PRCD: variants seen among roughly 807,000 people sequenced by gnomAD.
PRCD encodes the protein photoreceptor disc component.
A neutral mutation model predicts 10.1 loss-of-function variants in PRCD; 12 were observed. The observed-to-expected ratio is 1.18, with a 90% CI of 0.76 to 1.92. The LOEUF is 1.92. Ranked by LOEUF, PRCD falls within the 40% of genes most tolerant of loss-of-function variation. PRCD has a pLI of 0.00. For synonymous variants in PRCD, 31 were observed against 26.2 expected (o/e 1.18, Z -0.56); for missense variants, 61 against 72.2 (o/e 0.84, Z 0.56).
chr17:76,548,934 C>G (rs2075081690), downstream of PRCD, among the ~76,000 whole-genome samples: 1 of 152,126 alleles, frequency 6.6e-6, no homozygotes, highest in Non-Finnish European at 1.5e-5. Flanking sequence ...GGAGGGGAAA[C>G]CCAAGCGGAC....
At chr17:76,550,613 T>C (rs1598220818) in intron 1 of PRCD, 1 of 152,388 alleles carries the variant, frequency 6.6e-6, no homozygotes, top group African/African-American at 2.4e-5. Context: ...ACTGGGATTG[T>C]GGTTACATGG....
upstream of PRCD, chr17:76,538,115 G>A (rs1392332833): frequency 6.5e-6 from 1 of 154,640 alleles, no homozygotes; most frequent in African/African-American, 2.4e-5. Flanking sequence ...CCTTCCCGCG[G>A]CGGGGAACTG....
Position 76,545,269 on chromosome 17 carries a change from G to T in PRCD, c.*1619G>T. On this transcript the variant is annotated 3_prime_UTR_variant, in exon 5 of 5. Coordinates refer to ENST00000592014, the MANE Select transcript of PRCD (RefSeq NM_001077620.3). ...TCCCCACAGAAGGCTCCTGGGACCC[G>T]GGTGCCCCTTCCTTGGCCCACTGGC... 1 of 456,768 alleles carries T rather than the reference G, an allele frequency of 2.2e-6. No individual in the cohort carries two copies. The allele number at this position is 456,768 out of a possible 1,614,324, so 28.3% of individuals were successfully genotyped here. A position where few individuals can be genotyped will look rare whatever the true frequency, so the allele number is the denominator to read the frequency against.
chr17:76,528,723 C>A lies in PRCD; in HGVS notation n.45+890C>A. 9.1e-7 allele frequency: 1 copy of A among 1,100,244 alleles called. No individual in the cohort carries two copies. The highest frequency in any genetic ancestry group is 4.6e-5 in the South Asian group (1 of 21,788). 68.2% of individuals were successfully genotyped at this position (1,100,244 alleles called of 1,614,324 possible). On this transcript the variant is annotated intron_variant and non_coding_transcript_variant, in intron 1 of 4. Coordinates refer to the PRCD transcript ENST00000397633. The surrounding 1 kb of genome is among the most constrained non-coding windows in gnomAD (Gnocchi z 5.8). ...GAGGCTCACTTCCTGCCAAGAGATC[C>A]GGCACAGTGCAGTTGAAAGCAACCG... is the stretch of plus-strand genomic sequence containing the variant.
chr17:76,551,332 C>T (rs894415160), intron 1 of PRCD: 4 of 152,154 alleles, frequency 2.6e-5, no homozygotes, highest in South Asian at 4.1e-4. Context: ...AGCATTATAT[C>T]GTCTTCAAAT....
upstream of PRCD, chr17:76,537,668 G>A (rs2074935637): frequency 2.3e-6 from 2 of 857,480 alleles, no homozygotes; most frequent in South Asian, 5.1e-5. Context: ...GGTAGAGCGC[G>A]GAGGGAGGGA....
chr17:76,537,305 T>C, upstream of PRCD: 1 of 1,330,700 alleles, frequency 7.5e-7, no homozygotes, highest in East Asian at 3.2e-5. Context: ...GCTGGGGAGG[T>C]GGCGCTGGAG....
At position 76,531,748 on chromosome 17, in the gene PRCD, G is replaced by T; in HGVS notation, n.45+3915G>T. 1 of 1,452,588 alleles carries T rather than the reference G, an allele frequency of 6.9e-7. No individual in the cohort carries two copies. The highest frequency in any genetic ancestry group is 9.4e-7 in the Non-Finnish European group (1 of 1,060,846). 90.0% of individuals were successfully genotyped at this position (1,452,588 alleles called of 1,614,324 possible). ...CTGGAGGCTGCCTCGGGCCCACCCT[G>T]AAGCTTCCAGGATAGTGGGGGCTGA... On this transcript the variant is annotated intron_variant and non_coding_transcript_variant, in intron 1 of 4. Coordinates refer to the PRCD transcript ENST00000397633. This position sits in a 1 kb window ranked among gnomAD's most constrained non-coding sequence, Gnocchi z 7.4.
At chr17:76,547,833 A>C (rs2075068131), downstream of PRCD, among the ~76,000 whole-genome samples, 2 of 129,446 alleles carry the variant, frequency 1.5e-5, no homozygotes, top group South Asian at 2.5e-4. Context: ...CACACACACA[A>C]CACACATTCA....
Position 76,540,250 on chromosome 17 carries a change from T to TGGGGGGGGGGGGGGGGGGGGGGGG in PRCD, c.74+35_74+36insGGGGGGGGGGGGGGGGGGGGGGGG. 3 of 463,676 alleles carry TGGGGGGGGGGGGGGGGGGGGGGGG rather than the reference T, an allele frequency of 6.5e-6. No homozygotes were observed. Among genetic ancestry groups the TGGGGGGGGGGGGGGGGGGGGGGGG allele is most frequent in the Non-Finnish European group, 7.2e-6 (2 of 276,414 alleles). The allele number at this position is 463,676 out of a possible 1,614,324, so 28.7% of individuals were successfully genotyped here. ...TGACCGGGCTATGGCTGGCGGTTGG[T>TGGGGGGGGGGGGGGGGGGGGGGGG]CGGGGGGGGGGGGCATGGGGCTGGG... is the stretch of plus-strand genomic sequence containing the variant. On this transcript the variant is annotated intron_variant, in intron 1 of 4. Transcript: ENST00000592014. The surrounding 1 kb of genome is among the most constrained non-coding windows in gnomAD (Gnocchi z 5.0).
At position 76,544,608 on chromosome 17, in the gene PRCD, C is replaced by G. The variant is rs902869199; in HGVS notation, c.*958C>G. ...GCCAGCCTGACCCAGGCCGTGAGCC[C>G]GTGATCGCCTGTCTCAGCTCCTGTC... On this transcript the variant is annotated 3_prime_UTR_variant, in exon 5 of 5. Coordinates refer to ENST00000592014, the MANE Select transcript of PRCD (RefSeq NM_001077620.3). The G allele has an allele frequency of 8.8e-6, 4 of 456,628 alleles. No homozygotes were observed. The highest frequency in any genetic ancestry group is 1.3e-5 in the Non-Finnish European group (3 of 226,980). 28.3% of individuals were successfully genotyped at this position (456,628 alleles called of 1,614,324 possible).
At chr17:76,543,150 T>C (rs1324305530) in intron 4 of PRCD, 29 bp downstream of exon 4, 1 of 466,998 alleles carries the variant, frequency 2.1e-6, no homozygotes, top group Non-Finnish European at 4.5e-6. Context: ...GCCCGGGACC[T>C]GCCAGTCTCC....
chr17:76,546,980 G>C (rs1267394358), downstream of PRCD: 1 of 152,212 alleles, frequency 6.6e-6, no homozygotes, highest in Non-Finnish European at 1.5e-5. This position sits in a 1 kb window ranked among gnomAD's most constrained non-coding sequence, Gnocchi z 4.5. Flanking sequence ...CTCGAGTTGG[G>C]GGCCGTGAGG....
In PRCD at chr17:76,530,854, T is replaced by C; in HGVS notation, n.45+3021T>C. ...GTTCTTACATGTCAGACCCCAGGGT[T>C]GGCCTGCCTCAAGTGTGCCTGCCCA... is the stretch of plus-strand genomic sequence containing the variant. On this transcript the variant is annotated intron_variant and non_coding_transcript_variant, in intron 1 of 4. Coordinates refer to the PRCD transcript ENST00000397633. This position sits in a 1 kb window ranked among gnomAD's most constrained non-coding sequence, Gnocchi z 6.1. 2 of 1,077,864 alleles carry C rather than the reference T, an allele frequency of 1.9e-6. No homozygotes were observed. Among genetic ancestry groups the C allele is most frequent in the Non-Finnish European group, 2.6e-6 (2 of 766,686 alleles). The allele number at this position is 1,077,864 out of a possible 1,614,324, so 66.8% of individuals were successfully genotyped here. A position where few individuals can be genotyped will look rare whatever the true frequency, so the allele number is the denominator to read the frequency against.
In PRCD at chr17:76,532,473, C is replaced by T. The variant is rs183835601; in HGVS notation, n.45+4640C>T. Among the ~76,000 whole-genome samples the T allele has an allele frequency of 2.1e-3, 318 of 152,048 alleles. 2 individuals are homozygous for T. Among genetic ancestry groups the T allele is most frequent in the African/African-American group, 7.1e-3 (293 of 41,464 alleles). ...GTCAGACTGGATCCCAAGGCTCTCA[C>T]GCACCCTCTGACCCCCTGCCCTAGC... is the stretch of plus-strand genomic sequence containing the variant. On this transcript the variant is annotated intron_variant and non_coding_transcript_variant, in intron 1 of 4. Coordinates refer to the PRCD transcript ENST00000397633.
intron 1 of PRCD, chr17:76,529,651 G>T: frequency 2.0e-6 from 2 of 985,428 alleles, no homozygotes; most frequent in Non-Finnish European, 1.2e-6. Context: ...AGAGGGGTGG[G>T]AGGGCAGGCA....
Position 76,528,212 on chromosome 17 carries a change from G to A in PRCD, n.45+379G>A. 1 of 398,276 alleles carries A rather than the reference G, an allele frequency of 2.5e-6. No individual in the cohort carries two copies. The allele number at this position is 398,276 out of a possible 1,614,324, so 24.7% of individuals were successfully genotyped here. ...ATGTGTGCGTGATACTCTAGATGGT[G>A]ATGTGGAGACCTGCATGCTGGCCGG... On this transcript the variant is annotated intron_variant and non_coding_transcript_variant, in intron 1 of 4. Coordinates refer to the PRCD transcript ENST00000397633. This position sits in a 1 kb window ranked among gnomAD's most constrained non-coding sequence, Gnocchi z 5.8.
chr17:76,528,096 T>C lies in PRCD; in HGVS notation n.45+263T>C, dbSNP rs2074788545. The stretch of plus-strand genomic sequence containing the variant: ...AACCGAGGCTTCTGGGCGCCGCGGA[T>C]ACACATTCTAGATATGTATGTGTGT... On this transcript the variant is annotated intron_variant and non_coding_transcript_variant, in intron 1 of 4. Coordinates refer to the PRCD transcript ENST00000397633. The surrounding 1 kb of genome is among the most constrained non-coding windows in gnomAD (Gnocchi z 5.8). 2.6e-6 allele frequency: 1 copy of C among 391,848 alleles called. No homozygotes were observed. The highest frequency in any genetic ancestry group is 4.7e-6 in the Non-Finnish European group (1 of 214,470). The allele number at this position is 391,848 out of a possible 1,614,324, so 24.3% of individuals were successfully genotyped here.
At chr17:76,538,457 CGCG>C (rs748142936), upstream of PRCD, 14 of 465,574 alleles carry the variant, frequency 3.0e-5, no homozygotes, top group Admixed American at 4.7e-5. Flanking sequence ...GGTGCACGAA[CGCG>C]GCGGCGGCGG....
Sources: gnomAD v4.1 joint callset for allele counts (sites outside exome capture counted in the v4.1 genomes callset) on GRCh38, gnomAD v4.1.1 for gene constraint, Gnocchi (gnomAD v3.1) non-coding constraint, MANE v1.5 for transcripts, NCBI Gene and HGNC (gene_info 2026-07-23, HGNC 2026-07-21) for gene names.